POLR3A: variants seen among roughly 807,000 people sequenced by gnomAD.
POLR3A encodes DNA-directed RNA polymerase III subunit RPC1.
In POLR3A, 112 loss-of-function variants were observed where a neutral mutation model predicts 152.8. That is an observed-to-expected ratio of 0.73 (90% confidence interval 0.63 to 0.86). The LOEUF (loss-of-function observed/expected upper bound fraction) is 0.86. POLR3A is among the 40% of genes least tolerant of loss of function. The pLI, the probability that POLR3A is intolerant of heterozygous loss-of-function variation, is 0.00. For synonymous variants in POLR3A, 615 were observed against 652.1 expected (o/e 0.94, Z 0.87); for missense variants, 1,385 against 1,743.1 (o/e 0.79, Z 3.66).
At position 78,029,502 on chromosome 10, in the gene POLR3A, G is replaced by C; in HGVS notation, c.-95C>G. The C allele has an allele frequency of 4.7e-6, 6 of 1,274,298 alleles. No homozygotes were observed. In the South Asian group the frequency reaches 4.8e-5, roughly 10 times the overall value. 78.9% of individuals were successfully genotyped at this position (1,274,298 alleles called of 1,614,324 possible). A position where few individuals can be genotyped will look rare whatever the true frequency, so the allele number is the denominator to read the frequency against. On this transcript the variant is annotated 5_prime_UTR_variant, in exon 1 of 31. Coordinates refer to ENST00000372371, the MANE Select transcript of POLR3A (RefSeq NM_007055.4). Reference sequence around the variant, plus strand: ...TCCTGGGGCTGCTTCTGGACTCGCCGCTAACACATCTGCGGCATCCTCTCG... The same window carrying C: ...TCCTGGGGCTGCTTCTGGACTCGCCCCTAACACATCTGCGGCATCCTCTCG...
In POLR3A at chr10:78,019,232, G is replaced by T. The variant is rs1188896910; in HGVS notation, c.1219C>A (p.Leu407Met). 1 of 1,613,834 alleles carries T rather than the reference G, an allele frequency of 6.2e-7. No homozygotes were observed. Among genetic ancestry groups the T allele is most frequent in the Non-Finnish European group, 8.5e-7 (1 of 1,179,928 alleles). ...NKANINFLRK[L>M]VQNGPEVHPG... ...TGAACCTCAGGGCCGTTTTGAACCAGTTTCCTCAAGAAATTGATGTTTGCT... is the reference window on the plus strand; with the variant it reads ...TGAACCTCAGGGCCGTTTTGAACCATTTTCCTCAAGAAATTGATGTTTGCT... The change falls in exon 9 of 31, where the codon CTG becomes ATG. Residue 407 changes from leucine to methionine, a missense_variant. Coordinates refer to ENST00000372371, the MANE Select transcript of POLR3A (RefSeq NM_007055.4).
intron 16 of POLR3A, 60 bp downstream of exon 16, chr10:78,004,656 G>A: frequency 1.5e-6 from 2 of 1,343,376 alleles, no homozygotes; most frequent in Non-Finnish European, 2.1e-6. Context: ...ACCCCAGAGA[G>A]CACCACCGTA....
chr10:77,988,886 C>T (rs555930628), intron 21 of POLR3A, among the ~76,000 whole-genome samples: 21 of 152,266 alleles, frequency 1.4e-4, no homozygotes, highest in South Asian at 2.1e-4. Context: ...ACAGGAAAAA[C>T]AGGAGCAGAA....
At chr10:78,014,826 T>C (rs1847503897) in intron 10 of POLR3A, among the ~76,000 whole-genome samples, 1 of 152,234 alleles carries the variant, frequency 6.6e-6, no homozygotes, top group Non-Finnish European at 1.5e-5. Flanking sequence ...CTTTGCTTTA[T>C]GAGCTGCACC....
intron 19 of POLR3A, among the ~76,000 whole-genome samples, chr10:77,999,758 C>A (rs567364755): frequency 6.6e-6 from 1 of 152,282 alleles, no homozygotes; most frequent in East Asian, 1.9e-4. Context: ...CTTTGCTATG[C>A]GTGGCTCTGG....
Position 78,017,652 on chromosome 10 carries a change from T to C in POLR3A, c.1354A>G (p.Arg452Gly). Residue 452 changes from arginine to glycine, a missense_variant, in exon 10 of 31, where the codon AGA becomes GGA. Physicochemically the swap from Arg to Gly is moderately radical, Grantham distance 125. This residue lies in a region of POLR3A where 493 missense variants were observed against 647.5 expected (regional missense o/e 0.76). Coordinates refer to ENST00000372371, the MANE Select transcript of POLR3A (RefSeq NM_007055.4). ...ACCACATCTCCATCGATGAGGTGTC[T>C]CTCTACGATGTCACCATACTTGAGC... ...QELKYGDIVE[R>G]HLIDGDVVLF... The C allele has an allele frequency of 6.2e-7, 1 of 1,613,766 alleles. No homozygotes were observed. Among genetic ancestry groups the C allele is most frequent in the Non-Finnish European group, 8.5e-7 (1 of 1,179,618 alleles).
chr10:77,986,119 T>C lies in POLR3A; in HGVS notation c.2942A>G (p.Lys981Arg), dbSNP rs778473802. The C allele has an allele frequency of 8.1e-6, 13 of 1,598,382 alleles. No homozygotes were observed. The highest frequency in any genetic ancestry group is 1.0e-5 in the Non-Finnish European group (12 of 1,165,758). Residue 981 changes from lysine (K) to arginine (R), a missense_variant, in exon 22 of 31, where the codon AAG becomes AGG. By Grantham distance (26) the Lys-to-Arg change is conservative (BLOSUM62 2). Around this residue, in one of 7 missense-constraint regions of POLR3A, gnomAD observed 178 missense variants for 204.6 expected, o/e 0.87. Coordinates refer to ENST00000372371, the MANE Select transcript of POLR3A (RefSeq NM_007055.4). ...KFIKGVSEKI[K>R]KTRDKYGIND... ...GATGCCATATTTATCTCTGGTTTTC[T>C]TGATCTTCTCAGAGACCCCCTTAAT... is the stretch of plus-strand genomic sequence containing the variant.
At chr10:78,004,634 T>TG in intron 16 of POLR3A, 82 bp downstream of exon 16, 2 of 1,146,188 alleles carry the variant, frequency 1.7e-6, no homozygotes, top group Non-Finnish European at 2.6e-6. Context: ...CCTCTATTCA[T>TG]GGCTCAGCAC....
intron 10 of POLR3A, among the ~76,000 whole-genome samples, chr10:78,015,489 G>A (rs573251901): frequency 7.8e-4 from 118 of 151,890 alleles, no homozygotes; most frequent in Non-Finnish European, 1.3e-3. Context: ...CACCACACCC[G>A]GCTAATTTTT....
intron 15 of POLR3A, 79 bp downstream of exon 15, chr10:78,007,622 GT>G (rs1213131850): frequency 2.4e-6 from 3 of 1,260,206 alleles, no homozygotes; most frequent in African/African-American, 2.9e-5. Context: ...TGAAATGGCA[GT>G]AAAAGAACAA....
At position 77,977,521 on chromosome 10, in the gene POLR3A, AG is replaced by A. The variant is rs1161047574; in HGVS notation, c.4129del (p.Leu1377Ter). 6.2e-7 allele frequency: 1 copy of A among 1,613,906 alleles called. No individual in the cohort carries two copies. Among genetic ancestry groups the A allele is most frequent in the East Asian group, 2.2e-5 (1 of 44,872 alleles). On this transcript the variant is annotated frameshift_variant, in exon 31 of 31. Coordinates refer to ENST00000372371, the MANE Select transcript of POLR3A (RefSeq NM_007055.4). LOFTEE classifies it high-confidence loss of function. ...GTGGAATTCATTTGTGTCGAAGATC[AG>A]GGGCCTCTTGGGAGGGTTCGGGTCC... ...DRDPNPPKRP[L>X]IFDTNEFHIP...
At chr10:78,025,208 A>G (rs1847620999) in intron 3 of POLR3A, 66 bp from the exon 4 acceptor site, 1 of 1,565,282 alleles carries the variant, frequency 6.4e-7, no homozygotes, top group African/African-American at 1.4e-5. Context: ...TCTTTTAAAA[A>G]TGCCATCGCC....
At chr10:78,003,739 A>G (rs1359013739) in intron 16 of POLR3A, among the ~76,000 whole-genome samples, 4 of 152,040 alleles carry the variant, frequency 2.6e-5, no homozygotes, top group Admixed American at 2.0e-4. Flanking sequence ...GCTGGCCAAC[A>G]TGGCAAAACC....
rs1483500042 is a variant in POLR3A, at chr10:78,025,704, C to G, written c.236G>C (p.Cys79Ser). The G allele has an allele frequency of 1.2e-6, 2 of 1,613,852 alleles. No individual in the cohort carries two copies. The highest frequency in any genetic ancestry group is 3.3e-5 in the Admixed American group (2 of 59,990). ...GTCGATATACCCATAGTGGCCTAGA[C>G]AGTCAGCCAAGTTTTTCCCACAGGT... Reference protein sequence around the residue: ...CETCGKNLADCLGHYGYIDLE... With the variant: ...CETCGKNLADSLGHYGYIDLE... Residue 79 changes from cysteine (C) to serine (S), a missense_variant, in exon 3 of 31, where the codon TGT (cysteine) becomes TCT (serine). Physicochemically the swap from Cys to Ser is moderately radical, Grantham distance 112 (BLOSUM62 -1). Around this residue, in one of 7 missense-constraint regions of POLR3A, gnomAD observed 493 missense variants for 647.5 expected, o/e 0.76. Transcript: ENST00000372371.
In POLR3A at chr10:77,991,624, G is replaced by C. The variant is rs915336170; in HGVS notation, c.2788-457C>G. ...TGCAACCTCTGCCTCCCAGGTTCAA[G>C]TGATTCTCTTGCCTCAGCCTCCCGA... On this transcript the variant is annotated intron_variant, in intron 20 of 30. Transcript: ENST00000372371. Among the ~76,000 whole-genome samples the C allele has an allele frequency of 2.0e-5, 3 of 152,196 alleles. No homozygotes were observed. In the South Asian group the frequency reaches 6.2e-4, roughly 32 times the overall value.
intron 21 of POLR3A, among the ~76,000 whole-genome samples, chr10:77,989,576 C>A (rs1014157262): frequency 6.6e-6 from 1 of 152,154 alleles, no homozygotes; most frequent in Non-Finnish European, 1.5e-5. Context: ...AGGAGGTCAC[C>A]TGTGTTAAAC....
intron 19 of POLR3A, among the ~76,000 whole-genome samples, chr10:77,996,670 A>G (rs1362353288): frequency 6.6e-6 from 1 of 152,054 alleles, no homozygotes; most frequent in East Asian, 1.9e-4. Context: ...GCAATAATTA[A>G]TAGCTTACCA....
At chr10:78,013,910 G>C in intron 10 of POLR3A, 120 bp from the exon 11 acceptor site, 1 of 1,130,404 alleles carries the variant, frequency 8.8e-7, no homozygotes, top group Non-Finnish European at 1.3e-6. Flanking sequence ...TAAGAAAGTA[G>C]ATTTCCAGTA....
intron 30 of POLR3A, among the ~76,000 whole-genome samples, chr10:77,979,002 G>A (rs921536372): frequency 6.7e-6 from 1 of 149,894 alleles, no homozygotes; most frequent in Non-Finnish European, 1.5e-5. Flanking sequence ...AAATAGACAC[G>A]AGTTCTCATT....
Sources: allele counts gnomAD v4.1 joint callset (sites outside exome capture counted in the v4.1 genomes callset), GRCh38; gene constraint gnomAD v4.1.1; regional missense constraint gnomAD v4.1.1; transcripts MANE v1.5; gene names NCBI Gene and HGNC (gene_info 2026-07-23, HGNC 2026-07-21).